LTBR: variants seen among roughly 807,000 people sequenced by gnomAD.
LTBR encodes the protein tumor necrosis factor receptor superfamily member 3.
Under a neutral mutation model 45.4 loss-of-function variants are expected in LTBR, and 15 were observed. That is an observed-to-expected ratio of 0.33 (90% CI 0.22 to 0.51). The LOEUF (loss-of-function observed/expected upper bound fraction) is 0.51. LTBR is among the 20% of genes least tolerant of loss of function. The pLI is 0.97. For missense variants in LTBR, 450 were observed against 565.5 expected (o/e 0.80, Z 2.07); for synonymous variants, 228 against 231.0 (o/e 0.99, Z 0.12).
chr12:6,385,767 G>A (rs577876936), intron 4 of LTBR: 5 of 241,366 alleles, frequency 2.1e-5, no homozygotes, highest in South Asian at 1.3e-4. Context: ...TTAGCCGGGC[G>A]TGGTGGTGGG....
chr12:6,388,646 G>A lies in LTBR; in HGVS notation c.775+141G>A, dbSNP rs772473123. On this transcript the variant is annotated intron_variant, in intron 7 of 9. Coordinates refer to ENST00000228918, the MANE Select transcript of LTBR (RefSeq NM_002342.3). The surrounding 1 kb of genome is among the most constrained non-coding windows in gnomAD (Gnocchi z 4.3). ...TAGACATCCTTATCTTCATCCAGCT[G>A]CTTATTCTGAGGCTGGAGATGAGAG... The A allele has an allele frequency of 8.9e-6, 10 of 1,122,458 alleles. No individual in the cohort carries two copies. The highest frequency in any genetic ancestry group is 1.5e-5 in the African/African-American group (1 of 65,316). 69.5% of individuals were successfully genotyped at this position (1,122,458 alleles called of 1,614,324 possible). A position where few individuals can be genotyped will look rare whatever the true frequency, so the allele number is the denominator to read the frequency against.
chr12:6,385,247 G>A lies in LTBR; in HGVS notation c.340G>A (p.Ala114Thr). 1 of 1,614,056 alleles carries A rather than the reference G, an allele frequency of 6.2e-7. No homozygotes were observed. Among genetic ancestry groups the A allele is most frequent in the Non-Finnish European group, 8.5e-7 (1 of 1,180,030 alleles). ...GCCAGTGATGGGCCTCGAGGAGATTGCCCCCTGCACAAGCAAACGGAAGAC... is the reference window on the plus strand; with the variant it reads ...GCCAGTGATGGGCCTCGAGGAGATTACCCCCTGCACAAGCAAACGGAAGAC... ...CDPVMGLEEI[A>T]PCTSKRKTQC... The change falls in exon 4 of 10, where the codon GCC becomes ACC. Residue 114 changes from alanine to threonine, a missense_variant. Physicochemically the swap from Ala to Thr is moderately conservative, Grantham distance 58. Transcript: ENST00000228918.
Position 6,390,158 on chromosome 12 carries a change from C to T in LTBR, c.848C>T (p.Ala283Val). 6.2e-7 allele frequency: 1 copy of T among 1,614,076 alleles called. No individual in the cohort carries two copies. The highest frequency in any genetic ancestry group is 8.5e-7 in the Non-Finnish European group (1 of 1,179,998). The change falls in exon 9 of 10, where the codon GCC (alanine) becomes GTC (valine). Residue 283 changes from alanine to valine, a missense_variant. Coordinates refer to ENST00000228918, the MANE Select transcript of LTBR (RefSeq NM_002342.3). The part of the protein sequence containing the change: ...PVAGSWEPPK[A>V]HPYFPDLVQP... The stretch of plus-strand genomic sequence containing the variant: ...GCTGGAAGCTGGGAGCCTCCGAAGG[C>T]CCATCCATACTTCCCTGACTTGGTA...
At chr12:6,375,398 T>C, upstream of LTBR, 4 of 1,499,830 alleles carry the variant, frequency 2.7e-6, no homozygotes, top group Non-Finnish European at 3.5e-6. Flanking sequence ...ACTGCAGGGC[T>C]CCAGGAGGTC....
chr12:6,382,553 C>T (rs1321025038), upstream of LTBR, among the ~76,000 whole-genome samples: 5 of 152,214 alleles, frequency 3.3e-5, no homozygotes, highest in Non-Finnish European at 1.5e-5. Context: ...CTCAGCAGCC[C>T]CGCGCAGTGC....
chr12:6,384,972 G>C (rs766764166), intron 2 of LTBR, 50 bp from the exon 3 acceptor site: 2 of 1,611,806 alleles, frequency 1.2e-6, no homozygotes, highest in South Asian at 2.2e-5. Flanking sequence ...CAGCGGAGGT[G>C]AGGGTGGAGC....
chr12:6,388,497 G>A lies in LTBR; in HGVS notation c.767G>A (p.Arg256Lys), dbSNP rs141647006. Residue 256 changes from arginine to lysine, a missense_variant, in exon 7 of 10, where the codon AGG (arginine) becomes AAG (lysine). Arg to Lys is a conservative substitution (Grantham distance 26). Around this residue, in one of 3 missense-constraint regions of LTBR, gnomAD observed 367 missense variants for 435.4 expected, o/e 0.84. Coordinates refer to ENST00000228918, the MANE Select transcript of LTBR (RefSeq NM_002342.3). This position sits in a 1 kb window ranked among gnomAD's most constrained non-coding sequence, Gnocchi z 4.3. The stretch of plus-strand genomic sequence containing the variant: ...TGGAAGAGCCACCCTTCTCTCTGCA[G>A]GAAACTGGGTAGGAAAGGGTTGGAT... Reference protein sequence around the residue: ...CIWKSHPSLCRKLGSLLKRRP... With the variant: ...CIWKSHPSLCKKLGSLLKRRP... The A allele has an allele frequency of 9.9e-6, 16 of 1,613,980 alleles. No individual in the cohort carries two copies. The African/African-American group carries it at 1.5e-4, about 15-fold the overall frequency.
upstream of LTBR, chr12:6,375,179 T>C: frequency 6.9e-7 from 1 of 1,454,942 alleles, no homozygotes; most frequent in Non-Finnish European, 9.0e-7. Flanking sequence ...CCAGGATCTG[T>C]GTCTCAGCTC....
upstream of LTBR, among the ~76,000 whole-genome samples, chr12:6,380,851 G>T (rs1431388389): frequency 2.0e-5 from 3 of 152,096 alleles, no homozygotes; most frequent in African/African-American, 7.2e-5. Flanking sequence ...TAGGCGTCCT[G>T]GGGTGCTCGG....
intron 1 of LTBR, chr12:6,375,652 AAGG>A: frequency 6.7e-7 from 1 of 1,482,038 alleles, no homozygotes; most frequent in South Asian, 1.3e-5. Context: ...TTTCCGAAGG[AAGG>A]AGGGCTCCCG....
chr12:6,389,790 G>A lies in LTBR; in HGVS notation c.802-322G>A, dbSNP rs536788650. Reference sequence around the variant, plus strand: ...TGCACTCCAGCCTGGGTGACAGAGTGAGACTCTGTCTCAAAAAAAAAAAAA... The same window carrying A: ...TGCACTCCAGCCTGGGTGACAGAGTAAGACTCTGTCTCAAAAAAAAAAAAA... On this transcript the variant is annotated intron_variant, in intron 8 of 9. Coordinates refer to ENST00000228918, the MANE Select transcript of LTBR (RefSeq NM_002342.3). 1.9e-4 allele frequency: 39 copies of A among 208,912 alleles called. 1 individual carries two copies. The highest frequency in any genetic ancestry group is 1.0e-3 in the African/African-American group (39 of 37,764). The allele number at this position is 208,912 out of a possible 1,614,324, so 12.9% of individuals were successfully genotyped here.
chr12:6,390,541 A>G, intron 9 of LTBR, 119 bp from the exon 10 acceptor site: 2 of 1,125,062 alleles, frequency 1.8e-6, no homozygotes, highest in Non-Finnish European at 2.5e-6. Flanking sequence ...TCAATAAACC[A>G]GCAGCAAGCA....
chr12:6,377,106 T>A (rs1948925425), intron 1 of LTBR: 6 of 610,018 alleles, frequency 9.8e-6, no homozygotes, highest in Non-Finnish European at 1.7e-5. Context: ...AAGCAAGGAG[T>A]TTAGCAGGCA....
At chr12:6,380,364 A>G (rs1948971592), upstream of LTBR, among the ~76,000 whole-genome samples, 1 of 152,168 alleles carries the variant, frequency 6.6e-6, no homozygotes, top group Non-Finnish European at 1.5e-5. Context: ...GGAGAAGAAG[A>G]GAGAAAGAAA....
At chr12:6,377,759 G>T in intron 1 of LTBR, 1 of 899,584 alleles carries the variant, frequency 1.1e-6, no homozygotes, top group Non-Finnish European at 1.6e-6. Context: ...TTTTCTATTT[G>T]CCAGCTCATG....
Position 6,388,224 on chromosome 12 carries a change from C to T in LTBR, c.668-174C>T, listed in dbSNP as rs1026395993. ...CCAACTTAGTTCCCCTTCTCTATAA[C>T]CCAAGGGAAGTTTCTCTCATTCTGC... is the stretch of plus-strand genomic sequence containing the variant. On this transcript the variant is annotated intron_variant, in intron 6 of 9. Transcript: ENST00000228918. This position sits in a 1 kb window ranked among gnomAD's most constrained non-coding sequence, Gnocchi z 4.3. 8.5e-6 allele frequency: 5 copies of T among 587,372 alleles called. No homozygotes were observed. Among genetic ancestry groups the T allele is most frequent in the African/African-American group, 1.9e-5 (1 of 53,578 alleles). 36.4% of individuals were successfully genotyped at this position (587,372 alleles called of 1,614,324 possible). A position where few individuals can be genotyped will look rare whatever the true frequency, so the allele number is the denominator to read the frequency against.
intron 8 of LTBR, chr12:6,389,454 T>G (rs1413629919): frequency 6.4e-6 from 1 of 156,152 alleles, no homozygotes; most frequent in Non-Finnish European, 1.4e-5. Flanking sequence ...ACGCCCAAGC[T>G]CCCATCCTGC....
At chr12:6,379,338 T>C, upstream of LTBR, among the ~76,000 whole-genome samples, 1 of 152,226 alleles carries the variant, frequency 6.6e-6, no homozygotes, top group East Asian at 1.9e-4. Flanking sequence ...ACTTCAAACA[T>C]CCTAACTTCC....
In LTBR at chr12:6,391,094, T is replaced by C; in HGVS notation, c.*157T>C. On this transcript the variant is annotated 3_prime_UTR_variant, in exon 10 of 10. Coordinates refer to ENST00000228918, the MANE Select transcript of LTBR (RefSeq NM_002342.3). Reference sequence around the variant, plus strand: ...GACACCTCTGAGAGCAGGTGGGCACTGGCTGGGTACGGTGCCCTCCACAGG... The same window carrying C: ...GACACCTCTGAGAGCAGGTGGGCACCGGCTGGGTACGGTGCCCTCCACAGG... The C allele has an allele frequency of 1.3e-6, 1 of 749,214 alleles. No individual in the cohort carries two copies. The highest frequency in any genetic ancestry group is 2.0e-6 in the Non-Finnish European group (1 of 506,202). 46.4% of individuals were successfully genotyped at this position (749,214 alleles called of 1,614,324 possible).
Sources: gnomAD v4.1 joint callset for allele counts (sites outside exome capture counted in the v4.1 genomes callset) on GRCh38, gnomAD v4.1.1 for gene constraint, gnomAD v4.1.1 regional missense constraint, Gnocchi (gnomAD v3.1) non-coding constraint, MANE v1.5 for transcripts, NCBI Gene and HGNC (gene_info 2026-07-23, HGNC 2026-07-21) for gene names.